Variants in RAI14 observed in about 807,000 individuals in gnomAD.
RAI14 encodes ankycorbin.
RAI14 carries 45 observed loss-of-function variants against 115.4 expected under a neutral mutation model. The ratio of observed to expected loss-of-function variants is 0.39; its 90% confidence interval spans 0.31 to 0.50. The LOEUF (loss-of-function observed/expected upper bound fraction) is 0.50. Among genes scored for constraint, RAI14 ranks in the 20% least tolerant of loss-of-function variants. The pLI, the probability that RAI14 is intolerant of heterozygous loss-of-function variation, is 0.85. For missense variants in RAI14, 939 were observed against 1,131.2 expected (o/e 0.83, Z 2.44); for synonymous variants, 371 against 415.4 (o/e 0.89, Z 1.30).
chr5:34,799,751 G>C (rs1468973195), intron 4 of RAI14, among the ~76,000 whole-genome samples: 2 of 135,966 alleles, frequency 1.5e-5, no homozygotes, highest in African/African-American at 5.5e-5. Flanking sequence ...GCAGTGGCAC[G>C]ATCTCGGCTC....
chr5:34,737,398 G>A (rs1744998549), intron 2 of RAI14, among the ~76,000 whole-genome samples: 1 of 152,070 alleles, frequency 6.6e-6, no homozygotes, highest in Non-Finnish European at 1.5e-5. Flanking sequence ...AATACTGTGG[G>A]TAATTATGGA....
intron 10 of RAI14, among the ~76,000 whole-genome samples, chr5:34,813,136 G>A (rs1037217588): frequency 2.0e-5 from 3 of 152,126 alleles, no homozygotes; most frequent in South Asian, 2.1e-4. Context: ...TGTGCTAACT[G>A]TATTACTTAC....
chr5:34,773,728 T>C (rs2150138351), intron 3 of RAI14, among the ~76,000 whole-genome samples: 1 of 152,288 alleles, frequency 6.6e-6, no homozygotes, highest in Non-Finnish European at 1.5e-5. Context: ...CCAGTTAGAA[T>C]GACTATTATT....
rs34763264 is a variant in RAI14, at chr5:34,723,099, C to CAAAAAAAAAAAAAA, written c.37-34363_37-34350dup. On this transcript the variant is annotated intron_variant, in intron 2 of 17. Transcript: ENST00000265109. ...TGGGCGACAGAGTGAGACCCTGTCT[C>CAAAAAAAAAAAAAA]AAAAAAAAAAAAAAAAAAACCCACT... 2.3e-5 allele frequency among the ~76,000 whole-genome samples: 2 copies of CAAAAAAAAAAAAAA among 85,662 alleles called. 1 individual carries two copies. 56.2% of individuals were successfully genotyped at this position (85,662 alleles called of 152,430 possible).
At chr5:34,821,090 TGAA>T (rs1181862248) in intron 13 of RAI14, among the ~76,000 whole-genome samples, 6 of 152,204 alleles carry the variant, frequency 3.9e-5, no homozygotes, top group East Asian at 1.9e-4. Flanking sequence ...GTCATGAACC[TGAA>T]GAAGTAGACT....
rs1249622146 is a variant in RAI14 at position 34,811,655 on chromosome 5, A to G, written c.558-112A>G. 3 of 909,302 alleles carry G rather than the reference A, an allele frequency of 3.3e-6. No individual in the cohort carries two copies. In the Admixed American group the frequency reaches 9.5e-5, roughly 29 times the overall value. 56.3% of individuals were successfully genotyped at this position (909,302 alleles called of 1,614,324 possible). Reference sequence around the variant, plus strand: ...GAATTCCCTGAAGATTAAGTGTAATAAAGGTTTAACTGCACTTAATCTTCT... The same window carrying G: ...GAATTCCCTGAAGATTAAGTGTAATGAAGGTTTAACTGCACTTAATCTTCT... On this transcript the variant is annotated intron_variant, in intron 8 of 17. Coordinates refer to ENST00000265109, the MANE Select transcript of RAI14 (RefSeq NM_015577.3).
At position 34,757,655 on chromosome 5, in the gene RAI14, T is replaced by A. The variant is rs1222589926; in HGVS notation, c.167+57T>A. 2.6e-6 allele frequency: 4 copies of A among 1,544,686 alleles called. No individual in the cohort carries two copies. In the Admixed American group the frequency reaches 7.4e-5, roughly 29 times the overall value. On this transcript the variant is annotated intron_variant, in intron 3 of 17. Transcript: ENST00000265109. Reference sequence around the variant, plus strand: ...GGTTCTGGGTTTTTGGGGTGTTCTCTGGAATCCTTAGTATCCATAGGGGAA... The same window carrying A: ...GGTTCTGGGTTTTTGGGGTGTTCTCAGGAATCCTTAGTATCCATAGGGGAA...
In RAI14 at chr5:34,719,775, G is replaced by A. The variant is rs1268124529; in HGVS notation, c.36+32820G>A. On this transcript the variant is annotated intron_variant, in intron 2 of 17. Transcript: ENST00000265109. ...TGGCATGTCAGTAACTGAACTCTGCGCTATATGCTAGGTGGTAATATCAAG... is the reference window on the plus strand; with the variant it reads ...TGGCATGTCAGTAACTGAACTCTGCACTATATGCTAGGTGGTAATATCAAG... Among the ~76,000 whole-genome samples, 6 of 152,120 alleles carry A rather than the reference G, an allele frequency of 3.9e-5. No homozygotes were observed. In the East Asian group the frequency reaches 7.7e-4, roughly 20 times the overall value.
intron 1 of RAI14, among the ~76,000 whole-genome samples, chr5:34,686,663 A>T (rs1295218998): frequency 6.6e-6 from 1 of 152,146 alleles, no homozygotes; most frequent in African/African-American, 2.4e-5. Flanking sequence ...GAAGGAAAAA[A>T]TTAAGGTTTT....
At chr5:34,778,726 A>G (rs930836556) in intron 3 of RAI14, among the ~76,000 whole-genome samples, 2 of 147,778 alleles carry the variant, frequency 1.4e-5, no homozygotes, top group African/African-American at 2.5e-5. Context: ...ACACAGTGAG[A>G]CCCCGTTTCT....
intron 3 of RAI14, among the ~76,000 whole-genome samples, chr5:34,785,853 A>G (rs1294231238): frequency 2.0e-5 from 3 of 152,200 alleles, no homozygotes; most frequent in Non-Finnish European, 4.4e-5. Context: ...AGGGAACAGA[A>G]GTAGATAAAA....
chr5:34,707,790 G>A (rs1430067263), intron 2 of RAI14, among the ~76,000 whole-genome samples: 3 of 152,176 alleles, frequency 2.0e-5, no homozygotes, highest in African/African-American at 7.2e-5. Context: ...TGGTCCTACT[G>A]TAAGTTATGA....
chr5:34,793,799 C>CTT (rs1753200563), intron 3 of RAI14, among the ~76,000 whole-genome samples: 1 of 151,982 alleles, frequency 6.6e-6, no homozygotes, highest in Non-Finnish European at 1.5e-5. Context: ...TAGTGAACAG[C>CTT]TTAGAAACAA....
At chr5:34,671,614 T>G (rs1359090720) in intron 1 of RAI14, among the ~76,000 whole-genome samples, 1 of 152,174 alleles carries the variant, frequency 6.6e-6, no homozygotes. Flanking sequence ...TAAATCATAG[T>G]AAATTATCTA....
intron 13 of RAI14, among the ~76,000 whole-genome samples, chr5:34,819,716 T>C (rs1404203215): frequency 6.6e-6 from 1 of 152,210 alleles, no homozygotes; most frequent in Non-Finnish European, 1.5e-5. Context: ...GTGTATTTCA[T>C]AGGTGTTTGG....
intron 2 of RAI14, among the ~76,000 whole-genome samples, chr5:34,734,086 C>T (rs888334565): frequency 7.2e-5 from 11 of 152,240 alleles, no homozygotes; most frequent in African/African-American, 2.2e-4. Context: ...TTCTCTGTGG[C>T]TCAGAGGAAC....
chr5:34,794,023 G>A (rs163121), intron 3 of RAI14, among the ~76,000 whole-genome samples: 100,465 of 152,058 alleles, frequency 0.66, 34,513 homozygotes, highest in African/African-American at 0.85. Context: ...CTTAAAGGTG[G>A]ACTTATTGTA....
intron 3 of RAI14, among the ~76,000 whole-genome samples, chr5:34,783,800 G>A (rs1449182186): frequency 2.0e-5 from 3 of 152,212 alleles, no homozygotes; most frequent in African/African-American, 4.8e-5. Flanking sequence ...AGAGAAAAAT[G>A]TAGCTAGAGC....
At chr5:34,733,351 A>G (rs1225894614) in intron 2 of RAI14, 1 of 152,246 alleles carries the variant, frequency 6.6e-6, no homozygotes, top group Non-Finnish European at 1.5e-5. Flanking sequence ...TAGTACTCGA[A>G]TGCTCCTATT....
Sources: gnomAD v4.1 joint callset for allele counts (sites outside exome capture counted in the v4.1 genomes callset) on GRCh38, gnomAD v4.1.1 for gene constraint, MANE v1.5 for transcripts, NCBI Gene and HGNC (gene_info 2026-07-23, HGNC 2026-07-21) for gene names.